The following FBXO4 variants were observed in gnomAD, a reference collection of about 807,000 sequenced individuals.
The protein encoded by FBXO4 is F-box only protein 4.
FBXO4 carries 36 observed loss-of-function variants against 43.7 expected under a neutral mutation model. That is an observed-to-expected ratio of 0.82 (90% CI 0.63 to 1.09). FBXO4 has a LOEUF of 1.09. Ranked by LOEUF, FBXO4 falls within the 50% of genes least tolerant of loss-of-function variation. FBXO4 has a pLI of 0.00. For synonymous variants in FBXO4, 180 were observed against 165.6 expected, an observed-to-expected ratio of 1.09 and a Z score of -0.67; for missense variants, 435 against 474.1, an observed-to-expected ratio of 0.92 and a Z score of 0.77.
In FBXO4 at chr5:41,939,679, T is replaced by G. The variant is rs555700263; in HGVS notation, c.1074+63T>G. 19 of 1,354,454 alleles carry G rather than the reference T, an allele frequency of 1.4e-5. No homozygotes were observed. In the South Asian group the frequency reaches 2.7e-4, roughly 19 times the overall value. The allele number at this position is 1,354,454 out of a possible 1,614,324, so 83.9% of individuals were successfully genotyped here. ...TTGCACTCTATTTTCTATTTGATTT[T>G]ATTTTTTAAATTCATCTTCTTTAAT... is the stretch of plus-strand genomic sequence containing the variant. On this transcript the variant is annotated intron_variant, in intron 6 of 6. Coordinates refer to ENST00000281623, the MANE Select transcript of FBXO4 (RefSeq NM_012176.3).
chr5:42,011,799 C>T, the FBXO4 span, among the ~76,000 whole-genome samples: 1 of 152,102 alleles, frequency 6.6e-6, no homozygotes, highest in Admixed American at 6.6e-5. Context: ...TCTAATTGTA[C>T]AAATAACCAT....
chr5:42,029,996 G>A, the FBXO4 span, among the ~76,000 whole-genome samples: 9 of 151,694 alleles, frequency 5.9e-5, no homozygotes, highest in South Asian at 2.1e-4. Flanking sequence ...GCTCATGGGT[G>A]GGAAGAATCA....
the FBXO4 span, among the ~76,000 whole-genome samples, chr5:41,994,993 T>C: frequency 3.3e-5 from 5 of 152,184 alleles, no homozygotes; most frequent in Non-Finnish European, 5.9e-5. Context: ...AGAGCATACA[T>C]GGCCTCCTGG....
chr5:41,952,678 G>T, the FBXO4 span, among the ~76,000 whole-genome samples: 3 of 152,044 alleles, frequency 2.0e-5, no homozygotes, highest in East Asian at 5.8e-4. Context: ...TGTCTCTATA[G>T]ACTTACCCAT....
chr5:42,021,472 T>C, the FBXO4 span, among the ~76,000 whole-genome samples: 1 of 152,152 alleles, frequency 6.6e-6, no homozygotes, highest in Admixed American at 6.6e-5. Context: ...GAGAATGGTA[T>C]GGAATCTACA....
chr5:42,025,184 G>T, the FBXO4 span, among the ~76,000 whole-genome samples: 6 of 151,704 alleles, frequency 4.0e-5, no homozygotes, highest in Non-Finnish European at 8.8e-5. Context: ...TAGTGGATAG[G>T]GTTCCCTTTT....
At chr5:41,930,386 T>C (rs920980871) in intron 3 of FBXO4, among the ~76,000 whole-genome samples, 2 of 152,256 alleles carry the variant, frequency 1.3e-5, no homozygotes, top group African/African-American at 2.4e-5. Context: ...GCTTTACTTA[T>C]TTATTGAGAG....
chr5:42,026,883 C>T, the FBXO4 span, among the ~76,000 whole-genome samples: 8 of 151,890 alleles, frequency 5.3e-5, no homozygotes, highest in African/African-American at 1.9e-4. Flanking sequence ...ATTCTTGAAT[C>T]TCAGGAATTA....
intron 5 of FBXO4, among the ~76,000 whole-genome samples, chr5:41,937,574 T>G (rs1751880476): frequency 1.3e-5 from 2 of 152,218 alleles, no homozygotes. Context: ...ACTGTGATTT[T>G]TTTCCCTCTG....
At chr5:42,020,972 T>G in the FBXO4 span, among the ~76,000 whole-genome samples, 1 of 152,132 alleles carries the variant, frequency 6.6e-6, no homozygotes, top group Non-Finnish European at 1.5e-5. Flanking sequence ...TGGAGCCTAA[T>G]GCAACTGGAG....
chr5:42,026,145 AG>A, the FBXO4 span, among the ~76,000 whole-genome samples: 1 of 152,008 alleles, frequency 6.6e-6, no homozygotes, highest in African/African-American at 2.4e-5. Flanking sequence ...GGGCATTTTA[AG>A]ATTATTGATT....
chr5:42,029,978 C>T, the FBXO4 span, among the ~76,000 whole-genome samples: 27 of 152,148 alleles, frequency 1.8e-4, no homozygotes, highest in South Asian at 4.8e-3. Context: ...AATGGAAGAA[C>T]ATTCCATGCT....
At chr5:41,925,858 G>C (rs532456357) in intron 1 of FBXO4, among the ~76,000 whole-genome samples, 2 of 152,296 alleles carry the variant, frequency 1.3e-5, no homozygotes, top group African/African-American at 4.8e-5. Flanking sequence ...GATTAGCTTG[G>C]GAAAGCATTC....
the FBXO4 span, among the ~76,000 whole-genome samples, chr5:41,977,684 C>G: frequency 6.6e-6 from 1 of 152,210 alleles, no homozygotes; most frequent in Non-Finnish European, 1.5e-5. Flanking sequence ...GGTGATCTGC[C>G]TACCTCAGCC....
At chr5:42,003,844 A>G in the FBXO4 span, among the ~76,000 whole-genome samples, 1 of 152,128 alleles carries the variant, frequency 6.6e-6, no homozygotes, top group Non-Finnish European at 1.5e-5. Flanking sequence ...AGAACTAGAA[A>G]TACCATGTGA....
At chr5:42,020,484 TTATC>T in the FBXO4 span, among the ~76,000 whole-genome samples, 1 of 152,182 alleles carries the variant, frequency 6.6e-6, no homozygotes, top group East Asian at 1.9e-4. Flanking sequence ...AGGATTATGT[TTATC>T]TGTGATTACC....
At chr5:42,037,946 C>A in the FBXO4 span, among the ~76,000 whole-genome samples, 1 of 152,128 alleles carries the variant, frequency 6.6e-6, no homozygotes, top group Non-Finnish European at 1.5e-5. Context: ...GTAAACCCTG[C>A]AGTCTTGGTG....
the FBXO4 span, among the ~76,000 whole-genome samples, chr5:42,013,405 C>A: frequency 6.6e-6 from 1 of 152,178 alleles, no homozygotes. Flanking sequence ...ATGTAGGCAT[C>A]CTTGTCAGAT....
chr5:41,961,300 C>T, the FBXO4 span, among the ~76,000 whole-genome samples: 2 of 152,060 alleles, frequency 1.3e-5, no homozygotes. Context: ...CTTTTTTTCT[C>T]TCACTGGGGA....
Sources: gnomAD v4.1 joint callset for allele counts (sites outside exome capture counted in the v4.1 genomes callset) on GRCh38, gnomAD v4.1.1 for gene constraint, MANE v1.5 for transcripts, NCBI Gene and HGNC (gene_info 2026-07-23, HGNC 2026-07-21) for gene names.